The following BNC2 variants were observed in gnomAD, a reference collection of about 807,000 sequenced individuals.
BNC2 encodes basonuclin zinc finger protein 2.
BNC2 carries 20 observed loss-of-function variants against 76.3 expected under a neutral mutation model. The ratio of observed to expected loss-of-function variants is 0.26; its 90% CI spans 0.18 to 0.38. The LOEUF (loss-of-function observed/expected upper bound fraction) is 0.38. BNC2 is among the 10% of genes least tolerant of loss of function. BNC2 has a pLI of 1.00. For synonymous variants in BNC2, 582 were observed against 514.8 expected, an observed-to-expected ratio of 1.13 and a Z score of -1.77; for missense variants, 1,382 against 1,399.8, an observed-to-expected ratio of 0.99 and a Z score of 0.20.
At chr9:16,455,530 C>G (rs932280319) in intron 5 of BNC2, among the ~76,000 whole-genome samples, 1 of 152,172 alleles carries the variant, frequency 6.6e-6, no homozygotes, top group African/African-American at 2.4e-5. Context: ...ATGGTTCACA[C>G]CTGTAATCTC....
Position 16,491,942 on chromosome 9 carries a change from C to A in BNC2, c.670-54418G>T, listed in dbSNP as rs559438809. On this transcript the variant is annotated intron_variant, in intron 5 of 6. Transcript: ENST00000380672. ...TACACTCTGGTATGCTCACATACTT[C>A]CGCTTTTACAAATCAATTTAGTCAA... Among the ~76,000 whole-genome samples, 249 of 152,296 alleles carry A rather than the reference C, an allele frequency of 1.6e-3. 1 individual carries two copies. The highest frequency in any genetic ancestry group is 5.7e-3 in the African/African-American group (235 of 41,558).
chr9:16,426,589 C>A (rs1355392397), intron 6 of BNC2, among the ~76,000 whole-genome samples: 1 of 152,138 alleles, frequency 6.6e-6, no homozygotes, highest in Non-Finnish European at 1.5e-5. Context: ...ATCTAGAATT[C>A]TGTGTTGAAA....
intron 5 of BNC2, among the ~76,000 whole-genome samples, chr9:16,520,719 G>A (rs896434270): frequency 1.3e-5 from 2 of 152,114 alleles, no homozygotes; most frequent in African/African-American, 4.8e-5. Context: ...ACACAGTAAG[G>A]AGTAACTGTA....
intron 3 of BNC2, among the ~76,000 whole-genome samples, chr9:16,672,828 T>C (rs1028795724): frequency 5.3e-5 from 8 of 152,140 alleles, no homozygotes; most frequent in African/African-American, 1.9e-4. Flanking sequence ...AGTGAAGCAA[T>C]CTAAGAGCAA....
chr9:16,813,042 C>G (rs1818091556), intron 1 of BNC2, among the ~76,000 whole-genome samples: 3 of 151,962 alleles, frequency 2.0e-5, no homozygotes, highest in Admixed American at 2.0e-4. Flanking sequence ...AACCCTGTCT[C>G]TACTAAAAAT....
intron 1 of BNC2, among the ~76,000 whole-genome samples, chr9:16,790,243 C>T (rs991529890): frequency 6.6e-6 from 1 of 152,134 alleles, no homozygotes; most frequent in Non-Finnish European, 1.5e-5. Context: ...GTGATCCGCC[C>T]GCCTCGGCCT....
At chr9:16,514,265 A>T (rs939907866) in intron 5 of BNC2, among the ~76,000 whole-genome samples, 1 of 152,190 alleles carries the variant, frequency 6.6e-6, no homozygotes, top group Non-Finnish European at 1.5e-5. Context: ...GTTTCAAACC[A>T]AATTTTCATG....
At chr9:16,585,325 C>T (rs951488222) in intron 3 of BNC2, among the ~76,000 whole-genome samples, 6 of 152,154 alleles carry the variant, frequency 3.9e-5, no homozygotes, top group Admixed American at 2.0e-4. Context: ...TTGGTACATT[C>T]GGGAATTCAA....
At chr9:16,666,259 T>C (rs1331560764) in intron 3 of BNC2, among the ~76,000 whole-genome samples, 3 of 152,250 alleles carry the variant, frequency 2.0e-5, no homozygotes, top group Admixed American at 1.3e-4. Context: ...TCTCTATCTA[T>C]CTGATTTTGG....
intron 1 of BNC2, among the ~76,000 whole-genome samples, chr9:16,773,400 C>T (rs147408914): frequency 6.7e-4 from 102 of 152,000 alleles, no homozygotes; most frequent in African/African-American, 2.4e-3. Context: ...ATTCCCACTG[C>T]TTACATGGAA....
In BNC2 at chr9:16,564,591, G is replaced by A. The variant is rs531107050; in HGVS notation, c.434-11826C>T. ...AGATGATCCCTAACCTTTAAATTTC[G>A]CTCTGCCCAAGCTCAACTCCAAACA... On this transcript the variant is annotated intron_variant, in intron 4 of 6. Transcript: ENST00000380672. Among the ~76,000 whole-genome samples, 8 of 152,086 alleles carry A rather than the reference G, an allele frequency of 5.3e-5. 1 individual carries two copies. The highest frequency in any genetic ancestry group is 2.0e-4 in the Admixed American group (3 of 15,282).
chr9:16,589,438 A>C (rs1819861934), intron 3 of BNC2, among the ~76,000 whole-genome samples: 1 of 152,018 alleles, frequency 6.6e-6, no homozygotes, highest in Admixed American at 6.5e-5. Flanking sequence ...TGCCCGCCTC[A>C]GCCTCCCAAA....
intron 5 of BNC2, among the ~76,000 whole-genome samples, chr9:16,459,451 G>C (rs1474943413): frequency 6.6e-6 from 1 of 152,056 alleles, no homozygotes. Flanking sequence ...GTGGTGGGTG[G>C]GATTCGAAGG....
chr9:16,791,204 G>A (rs1218760649), intron 1 of BNC2, among the ~76,000 whole-genome samples: 1 of 152,064 alleles, frequency 6.6e-6, no homozygotes, highest in Non-Finnish European at 1.5e-5. Context: ...TGGGACTACA[G>A]GCACCCGCCA....
chr9:16,630,200 T>C (rs1453253621), intron 3 of BNC2, among the ~76,000 whole-genome samples: 1 of 152,186 alleles, frequency 6.6e-6, no homozygotes, highest in African/African-American at 2.4e-5. Context: ...AACAGACATA[T>C]AATTTTAAAA....
chr9:16,418,683 TGTGTGTGTATGTG>T lies in BNC2; in HGVS notation c.*293_*305del, dbSNP rs1166530238. On this transcript the variant is annotated 3_prime_UTR_variant, in exon 7 of 7. Transcript: ENST00000380672. ...TGCACACTGTGTGTGTGTGTGTGTG[TGTGTGTGTATGTG>T]CATGTGTGTGTGTGTGTGTTTAAAG... 1.9e-5 allele frequency: 6 copies of T among 321,338 alleles called. No individual in the cohort carries two copies. The highest frequency in any genetic ancestry group is 3.4e-5 in the Non-Finnish European group (6 of 175,088). 19.9% of individuals were successfully genotyped at this position (321,338 alleles called of 1,614,324 possible).
intron 3 of BNC2, among the ~76,000 whole-genome samples, chr9:16,595,295 T>G (rs1820035802): frequency 6.6e-6 from 1 of 152,268 alleles, no homozygotes; most frequent in East Asian, 1.9e-4. Context: ...TAAAAGAATA[T>G]GTTTCTTCAC....
chr9:16,770,699 T>C (rs979565649), intron 1 of BNC2, among the ~76,000 whole-genome samples: 1 of 151,362 alleles, frequency 6.6e-6, no homozygotes, highest in Non-Finnish European at 1.5e-5. Flanking sequence ...ACCCCACCTC[T>C]ACAAAAAATA....
chr9:16,428,395 C>T (rs1305486383), intron 6 of BNC2, among the ~76,000 whole-genome samples: 2 of 152,184 alleles, frequency 1.3e-5, no homozygotes, highest in African/African-American at 4.8e-5. Context: ...TCTTGTTTTA[C>T]TTACGAAATC....
Sources: gnomAD v4.1 joint callset for allele counts (sites outside exome capture counted in the v4.1 genomes callset) on GRCh38, gnomAD v4.1.1 for gene constraint, MANE v1.5 for transcripts, NCBI Gene and HGNC (gene_info 2026-07-23, HGNC 2026-07-21) for gene names.